Variants in LMNB2 observed in about 807,000 individuals in gnomAD.
LMNB2 encodes the protein lamin B2.
LMNB2 carries 17 observed loss-of-function variants against 69.3 expected under a neutral mutation model. The ratio of observed to expected loss-of-function variants is 0.25; its 90% CI spans 0.17 to 0.37. The LOEUF is 0.37. LMNB2 is among the 10% of genes least tolerant of loss of function. The pLI, the probability that LMNB2 is intolerant of heterozygous loss-of-function variation, is 1.00. For missense variants in LMNB2, 789 were observed against 883.6 expected (o/e 0.89, Z 1.36); for synonymous variants, 397 against 389.3 (o/e 1.02, Z -0.23).
Position 2,429,634 on chromosome 19 carries a change from C to CT in LMNB2, c.*1276dup, listed in dbSNP as rs1376618935. ...CGTGCCCATGGCTCAGTTTTGGTGT[C>CT]TTTAAGACTTGAGCTGCACTTTCTG... On this transcript the variant is annotated 3_prime_UTR_variant, in exon 12 of 12. Coordinates refer to ENST00000325327, the MANE Select transcript of LMNB2 (RefSeq NM_032737.4). 8 of 152,416 alleles carry CT rather than the reference C, an allele frequency of 5.2e-5. No homozygotes were observed. Among genetic ancestry groups the CT allele is most frequent in the Admixed American group, 3.3e-4 (5 of 15,298 alleles). 9.4% of individuals were successfully genotyped at this position (152,416 alleles called of 1,614,324 possible).
chr19:2,456,753 T>C lies in LMNB2; in HGVS notation c.181A>G (p.Ile61Val). 6.4e-7 allele frequency: 1 copy of C among 1,559,558 alleles called. No individual in the cohort carries two copies. Among genetic ancestry groups the C allele is most frequent in the Non-Finnish European group, 8.7e-7 (1 of 1,153,120 alleles). Reference protein sequence around the residue: ...RELNDRLAHYIDRVRALELEN... With the variant: ...RELNDRLAHYVDRVRALELEN... ...AGCTCCAGCGCGCGGACGCGGTCGATGTAGTGCGCCAGGCGGTCGTTGAGC... is the reference window on the plus strand; with the variant it reads ...AGCTCCAGCGCGCGGACGCGGTCGACGTAGTGCGCCAGGCGGTCGTTGAGC... The change falls in exon 1 of 12, where the codon ATC becomes GTC. Residue 61 changes from isoleucine to valine, a missense_variant. Around this residue, in one of 3 missense-constraint regions of LMNB2, gnomAD observed 145 missense variants for 228.9 expected, o/e 0.63. Coordinates refer to ENST00000325327, the MANE Select transcript of LMNB2 (RefSeq NM_032737.4).
chr19:2,437,823 G>A (rs1477583171), intron 4 of LMNB2, among the ~76,000 whole-genome samples: 1 of 145,498 alleles, frequency 6.9e-6, no homozygotes. Context: ...CCCACATCCC[G>A]ATCCCCAGCA....
At position 2,453,827 on chromosome 19, in the gene LMNB2, C is replaced by T. The variant is rs76514654; in HGVS notation, c.264+2843G>A. Among the ~76,000 whole-genome samples the T allele has an allele frequency of 0.03, 4,588 of 152,268 alleles. 253 individuals are homozygous for T. The highest frequency in any genetic ancestry group is 0.1 in the African/African-American group (4,354 of 41,544). ...ACCCTCAAAGCTCCCTGCAGCTGTT[C>T]GTCCCATTGGCAGGTGGGATAACAG... On this transcript the variant is annotated intron_variant, in intron 1 of 11. Coordinates refer to ENST00000325327, the MANE Select transcript of LMNB2 (RefSeq NM_032737.4). The surrounding 1 kb of genome is among the most constrained non-coding windows in gnomAD (Gnocchi z 4.4).
Position 2,456,691 on chromosome 19 carries a change from C to G in LMNB2, c.243G>C (p.Lys81Asn), listed in dbSNP as rs767802845. 6.4e-7 allele frequency: 1 copy of G among 1,554,182 alleles called. No homozygotes were observed. The highest frequency in any genetic ancestry group is 8.7e-7 in the Non-Finnish European group (1 of 1,150,770). The change falls in exon 1 of 12, where the codon AAG becomes AAC. Residue 81 changes from lysine (K) to asparagine (N), a missense_variant. Around this residue, in one of 3 missense-constraint regions of LMNB2, gnomAD observed 145 missense variants for 228.9 expected, o/e 0.63. Transcript: ENST00000325327. ...NDRLLLKISEKEEVTTREVSG... is the reference protein window; with the variant it reads ...NDRLLLKISENEEVTTREVSG... ...CCACCTCGCGCGTGGTCACCTCCTCCTTCTCTGAGATCTTGAGCAGGAGCC... is the reference window on the plus strand; with the variant it reads ...CCACCTCGCGCGTGGTCACCTCCTCGTTCTCTGAGATCTTGAGCAGGAGCC...
intron 11 of LMNB2, among the ~76,000 whole-genome samples, chr19:2,431,154 C>A (rs192084951): frequency 6.6e-6 from 1 of 152,344 alleles, no homozygotes; most frequent in Non-Finnish European, 1.5e-5. Flanking sequence ...AAAACAGTCA[C>A]AGGAACTTGC....
rs115439379 is a variant in LMNB2, at chr19:2,432,402, G to A, written c.1590+14C>T. 3,006 of 1,594,664 alleles carry A rather than the reference G, an allele frequency of 1.9e-3. 50 individuals carry two copies. In the African/African-American group the frequency reaches 0.037, roughly 19 times the overall value. ...CATCCGTGGCCACCCTCGCCCTCCT[G>A]CCCCACCACCTACCGTGACCATCTG... is the stretch of plus-strand genomic sequence containing the variant. On this transcript the variant is annotated intron_variant, in intron 9 of 11. Coordinates refer to ENST00000325327, the MANE Select transcript of LMNB2 (RefSeq NM_032737.4).
chr19:2,444,732 G>T (rs1971934661), intron 1 of LMNB2, among the ~76,000 whole-genome samples, 192 bp from the exon 2 acceptor site: 1 of 152,182 alleles, frequency 6.6e-6, no homozygotes, highest in Non-Finnish European at 1.5e-5. Flanking sequence ...CCCCCTGTCG[G>T]GGAGGGTCCG....
intron 9 of LMNB2, 53 bp from the exon 10 acceptor site, chr19:2,431,955 G>A (rs575932478): frequency 5.1e-5 from 80 of 1,567,814 alleles, no homozygotes; most frequent in Middle Eastern, 1.8e-4. Flanking sequence ...TTCCAGGGAC[G>A]TGGGCCAGCC....
At chr19:2,452,845 C>A (rs958101898) in intron 1 of LMNB2, among the ~76,000 whole-genome samples, 6 of 152,130 alleles carry the variant, frequency 3.9e-5, no homozygotes, top group African/African-American at 1.4e-4. Flanking sequence ...TCCCAGCAGG[C>A]TCCTCGGCCT....
At chr19:2,431,929 T>G (rs1250768015) in intron 9 of LMNB2, 27 bp from the exon 10 acceptor site, 1 of 1,601,056 alleles carries the variant, frequency 6.2e-7, no homozygotes, top group South Asian at 1.1e-5. Flanking sequence ...AATGGCCCCA[T>G]CAGGGTCACC....
chr19:2,455,169 CCACCCCAGT>C (rs1449957010), intron 1 of LMNB2, among the ~76,000 whole-genome samples: 4 of 152,024 alleles, frequency 2.6e-5, no homozygotes, highest in African/African-American at 9.7e-5. Flanking sequence ...GGCCTAATTC[CCACCCCAGT>C]CACCAATCTC....
In LMNB2 at chr19:2,428,828, C is replaced by T. The variant is rs1971695790; in HGVS notation, c.*2083G>A. The T allele has an allele frequency of 1.3e-5, 2 of 152,218 alleles. 1 individual carries two copies. Among genetic ancestry groups the T allele is most frequent in the South Asian group, 4.1e-4 (2 of 4,842 alleles). 9.4% of individuals were successfully genotyped at this position (152,218 alleles called of 1,614,324 possible). On this transcript the variant is annotated 3_prime_UTR_variant, in exon 12 of 12. Transcript: ENST00000325327. ...TTCCAAAGACTCAATTCTCAATGAA[C>T]CTCCAATTACCCACAGGCTGCCCAG...
At chr19:2,441,221 G>A (rs1252612827) in intron 2 of LMNB2, among the ~76,000 whole-genome samples, 2 of 152,244 alleles carry the variant, frequency 1.3e-5, no homozygotes, top group African/African-American at 4.8e-5. Context: ...AAAAGCATCC[G>A]TGCCGGGTAC....
Position 2,430,834 on chromosome 19 carries a change from C to T in LMNB2, c.*77G>A. On this transcript the variant is annotated 3_prime_UTR_variant, in exon 12 of 12. Transcript: ENST00000325327. Reference sequence around the variant, plus strand: ...AAATTCTCTAGAAATGTATCAAGAACTAAAGAAAGCCAATGATATAAAAAT... The same window carrying T: ...AAATTCTCTAGAAATGTATCAAGAATTAAAGAAAGCCAATGATATAAAAAT... 1.0e-6 allele frequency: 1 copy of T among 985,910 alleles called. No homozygotes were observed. Among genetic ancestry groups the T allele is most frequent in the Non-Finnish European group, 1.6e-6 (1 of 606,144 alleles). The allele number at this position is 985,910 out of a possible 1,614,324, so 61.1% of individuals were successfully genotyped here. A position where few individuals can be genotyped will look rare whatever the true frequency, so the allele number is the denominator to read the frequency against.
At chr19:2,449,572 C>T (rs929201352) in intron 1 of LMNB2, among the ~76,000 whole-genome samples, 1 of 151,648 alleles carries the variant, frequency 6.6e-6, no homozygotes, top group African/African-American at 2.4e-5. Context: ...TTGAGGTCAG[C>T]AGTTCGAGAC....
chr19:2,443,647 G>A lies in LMNB2; in HGVS notation c.401+757C>T, dbSNP rs190400294. On this transcript the variant is annotated intron_variant, in intron 2 of 11. Transcript: ENST00000325327. This position sits in a 1 kb window ranked among gnomAD's most constrained non-coding sequence, Gnocchi z 6.2. ...CTGAATGCCGGTGGCCGGAGACCAC[G>A]GAAGACAGTGTCCACACGCAGGGCA... 1.3e-5 allele frequency among the ~76,000 whole-genome samples: 2 copies of A among 152,276 alleles called. No individual in the cohort carries two copies. The highest frequency in any genetic ancestry group is 2.9e-5 in the Non-Finnish European group (2 of 68,024).
chr19:2,451,435 C>T (rs1972020045), intron 1 of LMNB2, among the ~76,000 whole-genome samples: 1 of 152,190 alleles, frequency 6.6e-6, no homozygotes, highest in South Asian at 2.1e-4. Context: ...GACAGTCTGG[C>T]CTTTTTTAGA....
In LMNB2 at chr19:2,444,552, C is replaced by T. The variant is rs1376307884; in HGVS notation, c.265-12G>A. 6 of 1,607,884 alleles carry T rather than the reference C, an allele frequency of 3.7e-6. No individual in the cohort carries two copies. The highest frequency in any genetic ancestry group is 5.1e-6 in the Non-Finnish European group (6 of 1,179,998). On this transcript the variant is annotated splice_polypyrimidine_tract_variant and intron_variant, in intron 1 of 11. Transcript: ENST00000325327. ...TTGATGCCACTCACCTGGGGAGACC[C>T]AGGACAGGGTGAAGCGAGAGGGACC... is the stretch of plus-strand genomic sequence containing the variant.
intron 7 of LMNB2, 37 bp downstream of exon 7, chr19:2,434,258 C>T (rs1233091341): frequency 6.2e-7 from 1 of 1,607,492 alleles, no homozygotes; most frequent in Non-Finnish European, 8.5e-7. Flanking sequence ...GCCCCTCCTC[C>T]TCACTCTGTG....
Sources: gnomAD v4.1 joint callset for allele counts (sites outside exome capture counted in the v4.1 genomes callset) on GRCh38, gnomAD v4.1.1 for gene constraint, gnomAD v4.1.1 regional missense constraint, Gnocchi (gnomAD v3.1) non-coding constraint, MANE v1.5 for transcripts, NCBI Gene and HGNC (gene_info 2026-07-23, HGNC 2026-07-21) for gene names.